The following PAG1 variants were observed in gnomAD, a reference collection of about 807,000 sequenced individuals.
PAG1 encodes the protein phosphoprotein membrane anchor with glycosphingolipid microdomains 1, also known as phosphoprotein associated with glycosphingolipid-enriched microdomains 1.
PAG1 carries 23 observed loss-of-function variants against 31.7 expected under a neutral mutation model. The observed-to-expected ratio is 0.73, with a 90% CI of 0.52 to 1.03. The LOEUF is 1.03. Among genes scored for constraint, PAG1 ranks in the 50% least tolerant of loss-of-function variants. The probability of loss-of-function intolerance (pLI) is 0.00; values close to 1 mark genes in which losing one functional copy is unlikely to be tolerated. For missense variants in PAG1, 473 were observed against 540.7 expected (o/e 0.87, Z 1.24); for synonymous variants, 214 against 210.3 (o/e 1.02, Z -0.15).
At chr8:81,002,452 G>A (rs1369577735) in intron 3 of PAG1, among the ~76,000 whole-genome samples, 1 of 152,190 alleles carries the variant, frequency 6.6e-6, no homozygotes, top group Non-Finnish European at 1.5e-5. Context: ...TGCTTGATCT[G>A]GGAAAAGTAA....
chr8:80,993,207 C>T lies in PAG1; in HGVS notation c.21G>A (p.Leu7=). 6.2e-7 allele frequency: 1 copy of T among 1,610,786 alleles called. No individual in the cohort carries two copies. Among genetic ancestry groups the T allele is most frequent in the Non-Finnish European group, 8.5e-7 (1 of 1,178,664 alleles). MGPAGS[L]LGSGQMQITL... ...TGATCTGCATCTGTCCGCTGCCCAG[C>T]AGGCTCCCCGCGGGCCCCATGGCAG... The change falls in exon 4 of 9, where the codon CTG becomes CTA. Residue 7 remains leucine (L), a synonymous_variant. Transcript: ENST00000220597.
Position 81,069,768 on chromosome 8 carries a change from GA to G in PAG1, c.-175+343del, listed in dbSNP as rs573616089. On this transcript the variant is annotated intron_variant, in intron 2 of 8. Transcript: ENST00000220597. ...ATCCAATTATTATCCCTGTCTCAAA[GA>G]TGAGGAAAGAGATTGAGACAGAGTA... Among the ~76,000 whole-genome samples the G allele has an allele frequency of 3.5e-3, 537 of 152,318 alleles. 1 individual carries two copies. The highest frequency in any genetic ancestry group is 5.2e-3 in the Non-Finnish European group (351 of 68,024).
chr8:81,024,409 G>A (rs1210295180), intron 3 of PAG1, among the ~76,000 whole-genome samples: 1 of 152,204 alleles, frequency 6.6e-6, no homozygotes, highest in Non-Finnish European at 1.5e-5. Flanking sequence ...GGCCCCTCCA[G>A]GATGGAGAGA....
At chr8:81,007,045 G>C (rs756113673) in intron 3 of PAG1, among the ~76,000 whole-genome samples, 5 of 152,108 alleles carry the variant, frequency 3.3e-5, no homozygotes, top group Non-Finnish European at 5.9e-5. Flanking sequence ...GGCTCTGACA[G>C]CCCTGCCCCC....
intron 3 of PAG1, among the ~76,000 whole-genome samples, chr8:80,993,949 A>G (rs1280507954): frequency 1.3e-5 from 2 of 152,118 alleles, no homozygotes; most frequent in Admixed American, 6.5e-5. Context: ...AGTACTCCAT[A>G]GCAAATAAAT....
chr8:81,042,006 C>G lies in PAG1; in HGVS notation c.-174-11917G>C, dbSNP rs187293975. 1.2e-3 allele frequency among the ~76,000 whole-genome samples: 186 copies of G among 152,314 alleles called. 1 individual carries two copies. The highest frequency in any genetic ancestry group is 2.4e-3 in the Non-Finnish European group (163 of 68,022). ...CTTATCCCCTTTATCTACCAAACTT[C>G]TTGTTGTTCAAATGACCACTCTGCT... is the stretch of plus-strand genomic sequence containing the variant. On this transcript the variant is annotated intron_variant, in intron 2 of 8. Transcript: ENST00000220597.
intron 1 of PAG1, among the ~76,000 whole-genome samples, chr8:81,075,835 C>T (rs1809168054): frequency 6.6e-6 from 1 of 152,246 alleles, no homozygotes. Context: ...ATAGTCACTA[C>T]TAAATATTAT....
chr8:80,978,249 C>A (rs1038252864), intron 8 of PAG1, among the ~76,000 whole-genome samples: 2 of 152,072 alleles, frequency 1.3e-5, no homozygotes, highest in Non-Finnish European at 2.9e-5. Context: ...TCTGACTATC[C>A]TAATGAATAT....
At chr8:80,986,849 G>A (rs1044110085) in intron 6 of PAG1, among the ~76,000 whole-genome samples, 1 of 151,778 alleles carries the variant, frequency 6.6e-6, no homozygotes, top group Admixed American at 6.6e-5. Context: ...TGAGGGAGAG[G>A]CCAATGGATT....
Position 80,987,601 on chromosome 8 carries a change from T to TC in PAG1, c.178-136dup. 4.9e-6 allele frequency: 3 copies of TC among 616,288 alleles called. 1 individual carries two copies. The highest frequency in any genetic ancestry group is 3.7e-5 in the South Asian group (2 of 54,288). 38.2% of individuals were successfully genotyped at this position (616,288 alleles called of 1,614,324 possible). A position where few individuals can be genotyped will look rare whatever the true frequency, so the allele number is the denominator to read the frequency against. ...CAGAAAACAGAATCTCCTATAATAGTCCCCCCTTATCTACAGAGGGTACAT... is the reference window on the plus strand; with the variant it reads ...CAGAAAACAGAATCTCCTATAATAGTCCCCCCCTTATCTACAGAGGGTACAT... On this transcript the variant is annotated intron_variant, in intron 5 of 8. Transcript: ENST00000220597.
chr8:81,105,315 T>C (rs1809677181), intron 1 of PAG1, among the ~76,000 whole-genome samples: 1 of 150,700 alleles, frequency 6.6e-6, no homozygotes, highest in Admixed American at 6.6e-5. Context: ...CCTGGTATCA[T>C]ATTAATATAT....
At chr8:81,051,232 A>C (rs1470482059) in intron 2 of PAG1, among the ~76,000 whole-genome samples, 1 of 152,200 alleles carries the variant, frequency 6.6e-6, no homozygotes, top group Non-Finnish European at 1.5e-5. Flanking sequence ...TGTCCCTGTT[A>C]GATGTGATAA....
rs1259077261 is a variant in PAG1 at position 80,976,710 on chromosome 8, C to T, written c.1133G>A (p.Arg378Lys). The stretch of plus-strand genomic sequence containing the variant: ...ATCAGGCTCTGGCTCCTCGCTGGGC[C>T]TCCCTGCTGGTGGAAGTGTGCTGTT... Reference protein sequence around the residue: ...TPNSTLPPAGRPSEEPEPDYE... With the variant: ...TPNSTLPPAGKPSEEPEPDYE... The change falls in exon 9 of 9, where the codon AGG (arginine) becomes AAG (lysine). Residue 378 changes from arginine (R) to lysine (K), a missense_variant. Transcript: ENST00000220597. The T allele has an allele frequency of 6.2e-7, 1 of 1,614,162 alleles. No individual in the cohort carries two copies. The highest frequency in any genetic ancestry group is 1.7e-5 in the Admixed American group (1 of 60,020).
intron 3 of PAG1, among the ~76,000 whole-genome samples, chr8:80,993,876 G>A (rs2130519043): frequency 6.6e-6 from 1 of 152,250 alleles, no homozygotes; most frequent in African/African-American, 2.4e-5. Context: ...AAAGTGCTGG[G>A]ATTACAGTGT....
chr8:81,031,991 GT>G (rs949158478), intron 2 of PAG1, among the ~76,000 whole-genome samples: 1 of 152,160 alleles, frequency 6.6e-6, no homozygotes, highest in African/African-American at 2.4e-5. Flanking sequence ...TCAACAAATG[GT>G]TCTGGAACAA....
At chr8:80,996,874 C>G (rs1807684707) in intron 3 of PAG1, among the ~76,000 whole-genome samples, 1 of 152,220 alleles carries the variant, frequency 6.6e-6, no homozygotes, top group Non-Finnish European at 1.5e-5. Context: ...ATGGGGGAGA[C>G]AGTAAGCGGA....
At position 80,987,606 on chromosome 8, in the gene PAG1, C is replaced by G. The variant is rs565702365; in HGVS notation, c.178-140G>C. The G allele has an allele frequency of 1.4e-4, 86 of 612,440 alleles. 1 individual carries two copies. The East Asian group carries it at 2.4e-3, about 17-fold the overall frequency. The allele number at this position is 612,440 out of a possible 1,614,324, so 37.9% of individuals were successfully genotyped here. On this transcript the variant is annotated intron_variant, in intron 5 of 8. Transcript: ENST00000220597. ...AACAGAATCTCCTATAATAGTCCCC[C>G]CTTATCTACAGAGGGTACATTTCAA... is the stretch of plus-strand genomic sequence containing the variant.
rs1807037958 is a variant in PAG1, at chr8:80,969,731, A to G, written c.*6813T>C. The G allele has an allele frequency of 6.6e-6, 1 of 152,262 alleles. No individual in the cohort carries two copies. Among genetic ancestry groups the G allele is most frequent in the African/African-American group, 2.4e-5 (1 of 41,476 alleles). 9.4% of individuals were successfully genotyped at this position (152,262 alleles called of 1,614,324 possible). On this transcript the variant is annotated 3_prime_UTR_variant, in exon 9 of 9. Coordinates refer to ENST00000220597, the MANE Select transcript of PAG1 (RefSeq NM_018440.4). The stretch of plus-strand genomic sequence containing the variant: ...TAATTTTGAAAAAAAGTTACACTCT[A>G]AAATGTCCATTCAAAGAATTAACTG...
At chr8:81,004,218 C>T (rs566368523) in intron 3 of PAG1, among the ~76,000 whole-genome samples, 1 of 152,230 alleles carries the variant, frequency 6.6e-6, no homozygotes, top group African/African-American at 2.4e-5. Context: ...AAGGCATATA[C>T]CCAAAATATT....
Sources: allele counts gnomAD v4.1 joint callset (sites outside exome capture counted in the v4.1 genomes callset), GRCh38; gene constraint gnomAD v4.1.1; transcripts MANE v1.5; gene names NCBI Gene and HGNC (gene_info 2026-07-23, HGNC 2026-07-21).